Variants in MAP1B observed in about 807,000 individuals in gnomAD.
MAP1B encodes the protein microtubule associated protein 1B.
MAP1B carries 12 observed loss-of-function variants against 176.1 expected under a neutral mutation model. The ratio of observed to expected loss-of-function variants is 0.07; its 90% CI spans 0.04 to 0.11. The LOEUF (loss-of-function observed/expected upper bound fraction) is 0.11. MAP1B is among the 10% of genes least tolerant of loss of function. MAP1B has a pLI of 1.00. For missense variants in MAP1B, 2,523 were observed against 2,990.5 expected, an observed-to-expected ratio of 0.84 and a Z score of 3.65; for synonymous variants, 1,044 against 1,135.0, an observed-to-expected ratio of 0.92 and a Z score of 1.61.
At chr5:72,171,408 T>A (rs756778942) in intron 2 of MAP1B, among the ~76,000 whole-genome samples, 5 of 151,964 alleles carry the variant, frequency 3.3e-5, no homozygotes, top group Non-Finnish European at 5.9e-5. Context: ...GGCAACATAG[T>A]GAGACCCCAT....
chr5:72,141,227 C>G (rs1480067898), intron 2 of MAP1B, among the ~76,000 whole-genome samples: 1 of 152,180 alleles, frequency 6.6e-6, no homozygotes, highest in Non-Finnish European at 1.5e-5. Context: ...TCCTCTCTTC[C>G]CCTCCCTTTT....
At chr5:72,173,850 T>G (rs1482293439) in intron 2 of MAP1B, among the ~76,000 whole-genome samples, 1 of 152,216 alleles carries the variant, frequency 6.6e-6, no homozygotes, top group East Asian at 1.9e-4. Flanking sequence ...TAGTTCCTGC[T>G]GGGCGTGGTG....
At chr5:72,193,808 A>G in intron 4 of MAP1B, 58 bp from the exon 5 acceptor site, 1 of 1,472,316 alleles carries the variant, frequency 6.8e-7, no homozygotes, top group African/African-American at 1.4e-5. Flanking sequence ...GAGATGATGG[A>G]TCAGTGATGA....
chr5:72,184,774 C>T (rs182548987), intron 3 of MAP1B, among the ~76,000 whole-genome samples: 1 of 152,302 alleles, frequency 6.6e-6, no homozygotes, highest in African/African-American at 2.4e-5. Flanking sequence ...TCCCTTCTAC[C>T]CACACTTTGA....
At chr5:72,190,077 G>T (rs1051070626) in intron 4 of MAP1B, among the ~76,000 whole-genome samples, 1 of 152,092 alleles carries the variant, frequency 6.6e-6, no homozygotes, top group African/African-American at 2.4e-5. Flanking sequence ...GACTCAAACT[G>T]GACACCCTAT....
At chr5:72,180,392 T>C (rs769945059) in intron 2 of MAP1B, among the ~76,000 whole-genome samples, 2 of 152,180 alleles carry the variant, frequency 1.3e-5, no homozygotes, top group Non-Finnish European at 2.9e-5. Flanking sequence ...CCTTTGAAGC[T>C]CTTGAAATCT....
At chr5:72,173,261 C>T (rs909487102) in intron 2 of MAP1B, among the ~76,000 whole-genome samples, 1 of 152,180 alleles carries the variant, frequency 6.6e-6, no homozygotes, top group African/African-American at 2.4e-5. Flanking sequence ...CTCCTTATGA[C>T]TTACGATTCC....
In MAP1B at chr5:72,194,730, G is replaced by A; in HGVS notation, c.1375G>A (p.Val459Ile). 1 of 1,614,192 alleles carries A rather than the reference G, an allele frequency of 6.2e-7. No individual in the cohort carries two copies. The highest frequency in any genetic ancestry group is 1.1e-5 in the South Asian group (1 of 91,086). Residue 459 changes from valine (V) to isoleucine (I), a missense_variant, in exon 5 of 7, where the codon GTA becomes ATA. Transcript: ENST00000296755. This position sits in a 1 kb window ranked among gnomAD's most constrained non-coding sequence, Gnocchi z 7.2. Reference protein sequence around the residue: ...AEFILPNGQEVDLPISYLTSV... With the variant: ...AEFILPNGQEIDLPISYLTSV... ...ATTCATTCTGCCTAATGGTCAAGAA[G>A]TAGATCTCCCGATTTCCTACTTAAC... is the stretch of plus-strand genomic sequence containing the variant.
At chr5:72,177,854 C>T (rs901442510) in intron 2 of MAP1B, among the ~76,000 whole-genome samples, 1 of 152,082 alleles carries the variant, frequency 6.6e-6, no homozygotes, top group Non-Finnish European at 1.5e-5. Context: ...GGTTTCCGCT[C>T]AAAAAAATTT....
chr5:72,113,509 G>T (rs1745380016), intron 1 of MAP1B, among the ~76,000 whole-genome samples: 1 of 152,168 alleles, frequency 6.6e-6, no homozygotes, highest in South Asian at 2.1e-4. Context: ...ACATTTAATT[G>T]TGTGTGCCAT....
At position 72,122,091 on chromosome 5, in the gene MAP1B, T is replaced by C. The variant is rs532625811; in HGVS notation, c.286+6292T>C. On this transcript the variant is annotated intron_variant, in intron 2 of 6. Coordinates refer to ENST00000296755, the MANE Select transcript of MAP1B (RefSeq NM_005909.5). ...TGGTATGTTAGAAGAAAATGACAAA[T>C]AGAGAGCATTATATTCGTTAAGGTA... Among the ~76,000 whole-genome samples the C allele has an allele frequency of 6.6e-5, 10 of 152,318 alleles. No homozygotes were observed. In the South Asian group the frequency reaches 1.7e-3, roughly 25 times the overall value.
chr5:72,165,227 A>G (rs1277953800), intron 2 of MAP1B, among the ~76,000 whole-genome samples: 1 of 151,990 alleles, frequency 6.6e-6, no homozygotes, highest in Non-Finnish European at 1.5e-5. Context: ...TTTGCCAATC[A>G]TTGTCTGATA....
chr5:72,122,366 G>A (rs980223960), intron 2 of MAP1B, among the ~76,000 whole-genome samples: 1 of 152,108 alleles, frequency 6.6e-6, no homozygotes, highest in African/African-American at 2.4e-5. Context: ...TTCTAGCGGT[G>A]AAAGAGCCAG....
At chr5:72,117,896 A>G (rs1321250910) in intron 2 of MAP1B, among the ~76,000 whole-genome samples, 2 of 152,210 alleles carry the variant, frequency 1.3e-5, no homozygotes, top group African/African-American at 4.8e-5. Context: ...GTTTCCAACC[A>G]GGACTGTAAG....
intron 2 of MAP1B, among the ~76,000 whole-genome samples, chr5:72,178,283 A>G (rs960929350): frequency 3.3e-5 from 5 of 152,234 alleles, no homozygotes; most frequent in Admixed American, 6.5e-5. Context: ...GATTACAGGC[A>G]TGAGCCACCG....
chr5:72,148,662 C>T (rs963377580), intron 2 of MAP1B, among the ~76,000 whole-genome samples: 4 of 152,164 alleles, frequency 2.6e-5, no homozygotes, highest in Non-Finnish European at 4.4e-5. Context: ...TGCCACGCAC[C>T]GAGGAGATGT....
intron 2 of MAP1B, among the ~76,000 whole-genome samples, chr5:72,123,280 A>C (rs1745564125): frequency 6.6e-6 from 1 of 152,172 alleles, no homozygotes; most frequent in Non-Finnish European, 1.5e-5. Context: ...TCAACAAAGA[A>C]AGAGAGTTTC....
At chr5:72,116,047 T>TAC (rs1201823279) in intron 2 of MAP1B, 11 of 401,600 alleles carry the variant, frequency 2.7e-5, no homozygotes, top group African/African-American at 1.6e-4. Context: ...TGTATATATA[T>TAC]ACACACACAC....
intron 2 of MAP1B, among the ~76,000 whole-genome samples, chr5:72,146,583 C>T (rs1426870353): frequency 6.6e-6 from 1 of 152,218 alleles, no homozygotes; most frequent in Non-Finnish European, 1.5e-5. Flanking sequence ...TTATTATCCT[C>T]ATGCCACCAC....
Sources: allele counts gnomAD v4.1 joint callset (sites outside exome capture counted in the v4.1 genomes callset), GRCh38; gene constraint gnomAD v4.1.1; non-coding constraint Gnocchi (gnomAD v3.1); transcripts MANE v1.5; gene names NCBI Gene and HGNC (gene_info 2026-07-23, HGNC 2026-07-21).